GALNT2: variants seen among roughly 807,000 people sequenced by gnomAD.
GALNT2 encodes the protein polypeptide N-acetylgalactosaminyltransferase 2.
In GALNT2, 31 loss-of-function variants were observed where a neutral mutation model predicts 81.4. The ratio of observed to expected loss-of-function variants is 0.38; its 90% CI spans 0.29 to 0.51. The LOEUF (loss-of-function observed/expected upper bound fraction) is 0.51. Ranked by LOEUF, GALNT2 falls within the 20% of genes least tolerant of loss-of-function variation. GALNT2 has a pLI of 0.87. For missense variants in GALNT2, 629 were observed against 765.7 expected, an observed-to-expected ratio of 0.82 and a Z score of 2.11; for synonymous variants, 303 against 287.4, an observed-to-expected ratio of 1.05 and a Z score of -0.55.
chr1:230,200,805 G>A lies in GALNT2; in HGVS notation c.221-2332G>A, dbSNP rs1663868873. On this transcript the variant is annotated intron_variant, in intron 2 of 15. Coordinates refer to ENST00000366672, the MANE Select transcript of GALNT2 (RefSeq NM_004481.5). ...TAGGATGAAACCTCTCTCGGGTGGT[G>A]GTCTCTTCTCTGGCTGCGCATGGGA... Among the ~76,000 whole-genome samples, 3 of 152,140 alleles carry A rather than the reference G, an allele frequency of 2.0e-5. No individual in the cohort carries two copies. The South Asian group carries it at 6.2e-4, about 32-fold the overall frequency.
At chr1:230,061,755 T>C (rs57309935) in intron 1 of GALNT2, among the ~76,000 whole-genome samples, 3,692 of 152,324 alleles carry the variant, frequency 0.024, 154 homozygotes, top group African/African-American at 0.081. Context: ...AATTGTTTTC[T>C]GGTTTACCAC....
chr1:230,115,206 A>G (rs1054639286), intron 1 of GALNT2, among the ~76,000 whole-genome samples: 1 of 152,010 alleles, frequency 6.6e-6, no homozygotes, highest in Non-Finnish European at 1.5e-5. Flanking sequence ...GGGTTTTACT[A>G]TCTTGGCCAT....
intron 1 of GALNT2, among the ~76,000 whole-genome samples, chr1:230,164,559 G>A (rs757786120): frequency 1.9e-4 from 29 of 150,524 alleles, no homozygotes; most frequent in Non-Finnish European, 2.8e-4. Context: ...TTTTTTAGAC[G>A]GAGTCACTCT....
chr1:230,083,366 T>A (rs1312884167), intron 1 of GALNT2, among the ~76,000 whole-genome samples: 1 of 132,134 alleles, frequency 7.6e-6, no homozygotes, highest in Admixed American at 7.8e-5. Flanking sequence ...AGCAGGCAGC[T>A]GGGATGACGG....
intron 1 of GALNT2, among the ~76,000 whole-genome samples, chr1:230,168,231 A>G (rs1398932732): frequency 6.6e-6 from 1 of 152,320 alleles, no homozygotes; most frequent in Non-Finnish European, 1.5e-5. Flanking sequence ...CTCTTAAAGG[A>G]CCTGCTGTTC....
intron 2 of GALNT2, among the ~76,000 whole-genome samples, chr1:230,189,166 G>A (rs1165834013): frequency 6.6e-6 from 1 of 152,202 alleles, no homozygotes; most frequent in East Asian, 1.9e-4. Flanking sequence ...TGAGACCTTA[G>A]TGTCATTCTT....
chr1:230,083,077 A>C (rs1319747044), intron 1 of GALNT2, among the ~76,000 whole-genome samples: 2 of 148,000 alleles, frequency 1.4e-5, no homozygotes, highest in South Asian at 2.2e-4. Flanking sequence ...AGCCGGGATG[A>C]TGGAGCAGGG....
chr1:230,178,695 A>G (rs1663063217), intron 2 of GALNT2, among the ~76,000 whole-genome samples: 1 of 151,954 alleles, frequency 6.6e-6, no homozygotes, highest in African/African-American at 2.4e-5. Flanking sequence ...CAACACACAT[A>G]CAACCTCCTC....
At chr1:230,196,668 G>A (rs58680978) in intron 2 of GALNT2, among the ~76,000 whole-genome samples, 5 of 151,938 alleles carry the variant, frequency 3.3e-5, no homozygotes, top group South Asian at 2.1e-4. Context: ...TTCTTGCCCC[G>A]TCCAGCACAC....
chr1:230,150,612 G>T (rs986924526), intron 1 of GALNT2, among the ~76,000 whole-genome samples: 5 of 152,186 alleles, frequency 3.3e-5, no homozygotes, highest in African/African-American at 9.6e-5. Flanking sequence ...GAGCATTTTT[G>T]TTTTGTTTGT....
In GALNT2 at chr1:230,067,383, GC is replaced by G; in HGVS notation, c.104del (p.Ala35GlyfsTer107). ...GGGCGGCTCTGCGCTGGCCGGGGGC[GC>G]GGGCGGCGGCGCCGGCAGGAAGGTG... is the stretch of plus-strand genomic sequence containing the variant. ...SGGGSALAGG[A>X]GGGAGRKEDW... On this transcript the variant is annotated frameshift_variant, in exon 1 of 16. Transcript: ENST00000366672. LOFTEE classifies it high-confidence loss of function. 7.8e-7 allele frequency: 1 copy of G among 1,275,894 alleles called. No individual in the cohort carries two copies. The allele number at this position is 1,275,894 out of a possible 1,614,324, so 79.0% of individuals were successfully genotyped here. A position where few individuals can be genotyped will look rare whatever the true frequency, so the allele number is the denominator to read the frequency against.
chr1:230,122,254 A>G (rs1043083941), intron 1 of GALNT2, among the ~76,000 whole-genome samples: 6 of 152,178 alleles, frequency 3.9e-5, no homozygotes, highest in Non-Finnish European at 8.8e-5. Flanking sequence ...ACTTGATTAT[A>G]TTTGGCTAGT....
At chr1:230,203,334 A>T (rs562452928) in intron 3 of GALNT2, 44 bp downstream of exon 3, 1 of 1,603,548 alleles carries the variant, frequency 6.2e-7, no homozygotes, top group South Asian at 1.1e-5. Flanking sequence ...ATTTGCTTTC[A>T]CACAAACCAG....
At chr1:230,205,205 T>TA (rs1664024681) in intron 3 of GALNT2, among the ~76,000 whole-genome samples, 1 of 152,172 alleles carries the variant, frequency 6.6e-6, no homozygotes, top group African/African-American at 2.4e-5. Flanking sequence ...TTTTCTCTCT[T>TA]ACTCTCAAGG....
intron 1 of GALNT2, among the ~76,000 whole-genome samples, chr1:230,078,961 A>T (rs1659646706): frequency 6.6e-6 from 1 of 152,204 alleles, no homozygotes. Flanking sequence ...GGCATGAGCC[A>T]CTGCGTCCAG....
chr1:230,117,798 G>A (rs183736554), intron 1 of GALNT2, among the ~76,000 whole-genome samples: 88 of 152,326 alleles, frequency 5.8e-4, no homozygotes, highest in African/African-American at 1.8e-3. Flanking sequence ...GTGAGCACAC[G>A]CTGTTAGAAA....
intron 1 of GALNT2, among the ~76,000 whole-genome samples, chr1:230,168,948 T>C (rs1244215024): frequency 6.6e-6 from 1 of 152,264 alleles, no homozygotes; most frequent in East Asian, 1.9e-4. Context: ...TGATTATGTC[T>C]TCTTACTGTG....
rs543841198 is a variant in GALNT2 at position 230,254,924 on chromosome 1, G to T, written c.1010-294G>T. Reference sequence around the variant, plus strand: ...CTTTATATTTACAGTAGACCAAGAAGCATTCTTGTCTCAAGGTGTCTACTC... The same window carrying T: ...CTTTATATTTACAGTAGACCAAGAATCATTCTTGTCTCAAGGTGTCTACTC... On this transcript the variant is annotated intron_variant, in intron 10 of 15. Coordinates refer to ENST00000366672, the MANE Select transcript of GALNT2 (RefSeq NM_004481.5). 6.6e-5 allele frequency among the ~76,000 whole-genome samples: 10 copies of T among 152,302 alleles called. No homozygotes were observed. The South Asian group carries it at 1.9e-3, about 28-fold the overall frequency.
intron 1 of GALNT2, among the ~76,000 whole-genome samples, chr1:230,126,718 A>G (rs1661194961): frequency 6.6e-6 from 1 of 152,182 alleles, no homozygotes; most frequent in African/African-American, 2.4e-5. Context: ...AAAGTTGTAC[A>G]AAGGGATGGT....
Sources: allele counts gnomAD v4.1 joint callset (sites outside exome capture counted in the v4.1 genomes callset), GRCh38; gene constraint gnomAD v4.1.1; transcripts MANE v1.5; gene names NCBI Gene and HGNC (gene_info 2026-07-23, HGNC 2026-07-21).